TNFSF4: variants seen among roughly 807,000 people sequenced by gnomAD.
TNFSF4 encodes the protein TNF superfamily member 4.
Under a neutral mutation model 7.3 loss-of-function variants are expected in TNFSF4, and 4 were observed. The ratio of observed to expected loss-of-function variants is 0.55; its 90% confidence interval spans 0.27 to 1.25. TNFSF4 has a LOEUF of 1.25. Among genes scored for constraint, TNFSF4 ranks in the 50% most tolerant of loss-of-function variants. The pLI is 0.12. For synonymous variants in TNFSF4, 76 were observed against 83.7 expected (o/e 0.91, Z 0.50); for missense variants, 181 against 208.8 (o/e 0.87, Z 0.82).
chr1:173,304,032 C>T, the TNFSF4 span, among the ~76,000 whole-genome samples: 1 of 152,018 alleles, frequency 6.6e-6, no homozygotes, highest in South Asian at 2.1e-4. Flanking sequence ...TAACTGCCCA[C>T]ACAGTTTTCA....
upstream of TNFSF4, among the ~76,000 whole-genome samples, chr1:173,208,305 G>A (rs532763880): frequency 1.0e-3 from 156 of 152,274 alleles, 1 homozygote; most frequent in South Asian, 6.4e-3. Context: ...TGTTTAAGAC[G>A]GAATTGTCTC....
chr1:173,353,409 G>A, the TNFSF4 span, among the ~76,000 whole-genome samples: 5 of 152,162 alleles, frequency 3.3e-5, no homozygotes, highest in East Asian at 1.9e-4. Flanking sequence ...CCCTCCATTC[G>A]GGGTCTCTGA....
At chr1:173,268,697 G>A in the TNFSF4 span, among the ~76,000 whole-genome samples, 1 of 151,912 alleles carries the variant, frequency 6.6e-6, no homozygotes, top group Non-Finnish European at 1.5e-5. Context: ...GATTGGCAAA[G>A]TAGATTTTTA....
intron 1 of TNFSF4, 118 bp from the exon 2 acceptor site, chr1:173,188,687 A>G (rs973298934): frequency 7.1e-6 from 6 of 843,156 alleles, no homozygotes; most frequent in Non-Finnish European, 9.6e-6. Context: ...AAACAAAAAC[A>G]ACAGAAGACT....
intron 1 of TNFSF4, among the ~76,000 whole-genome samples, chr1:173,195,217 T>C (rs1451806298): frequency 1.3e-5 from 2 of 152,210 alleles, no homozygotes; most frequent in African/African-American, 4.8e-5. Flanking sequence ...TCATCATCAA[T>C]ACTGAATAAG....
At chr1:173,375,165 CA>C in the TNFSF4 span, among the ~76,000 whole-genome samples, 1 of 152,174 alleles carries the variant, frequency 6.6e-6, no homozygotes, top group African/African-American at 2.4e-5. Flanking sequence ...GCCTCCTTGT[CA>C]AATTTGTTTC....
At chr1:173,363,712 G>A in the TNFSF4 span, 38 of 231,234 alleles carry the variant, frequency 1.6e-4, no homozygotes, top group African/African-American at 8.9e-4. Context: ...TTTGAGAACT[G>A]AGAACCAGAA....
At chr1:173,258,887 G>A in the TNFSF4 span, among the ~76,000 whole-genome samples, 1 of 152,170 alleles carries the variant, frequency 6.6e-6, no homozygotes. Context: ...GGAAGGAGCA[G>A]CCATGGTCTC....
At chr1:173,400,691 A>G in the TNFSF4 span, among the ~76,000 whole-genome samples, 1 of 152,242 alleles carries the variant, frequency 6.6e-6, no homozygotes, top group Non-Finnish European at 1.5e-5. Context: ...ACAATGGAGT[A>G]AGGAAGAGTA....
the TNFSF4 span, among the ~76,000 whole-genome samples, chr1:173,429,881 T>G: frequency 6.6e-6 from 1 of 152,236 alleles, no homozygotes; most frequent in Admixed American, 6.5e-5. Flanking sequence ...GCTTCCTGCC[T>G]TACTAAGAAC....
At chr1:173,181,576 T>C (rs1335779459), downstream of TNFSF4, among the ~76,000 whole-genome samples, 1 of 152,128 alleles carries the variant, frequency 6.6e-6, no homozygotes. Flanking sequence ...GGCACCAGAT[T>C]TCTCAAGGGC....
chr1:173,364,315 C>T, the TNFSF4 span, among the ~76,000 whole-genome samples: 1 of 146,138 alleles, frequency 6.8e-6, no homozygotes. Flanking sequence ...ATTTCATCAT[C>T]TTGTTTTTAA....
chr1:173,393,941 A>C, the TNFSF4 span, among the ~76,000 whole-genome samples: 2 of 152,188 alleles, frequency 1.3e-5, no homozygotes, highest in African/African-American at 2.4e-5. Flanking sequence ...TTCCAATATT[A>C]TTTCCTGACA....
the TNFSF4 span, chr1:173,352,148 C>A: frequency 1.6e-5 from 4 of 244,690 alleles, no homozygotes; most frequent in East Asian, 3.9e-4. Flanking sequence ...ACCAGAAAGA[C>A]CTCAGACACT....
chr1:173,249,740 C>A, the TNFSF4 span, among the ~76,000 whole-genome samples: 1 of 152,196 alleles, frequency 6.6e-6, no homozygotes, highest in Non-Finnish European at 1.5e-5. Flanking sequence ...CACTCAGTAC[C>A]AACACTTAGT....
the TNFSF4 span, among the ~76,000 whole-genome samples, chr1:173,432,693 C>A: frequency 6.6e-6 from 1 of 151,428 alleles, no homozygotes; most frequent in Non-Finnish European, 1.5e-5. Flanking sequence ...TGACAAAATT[C>A]TTGAGGGATC....
the TNFSF4 span, among the ~76,000 whole-genome samples, chr1:173,230,999 T>C: frequency 6.6e-6 from 1 of 152,160 alleles, no homozygotes; most frequent in South Asian, 2.1e-4. Flanking sequence ...GATTCACAGC[T>C]GAATTCTACC....
the TNFSF4 span, among the ~76,000 whole-genome samples, chr1:173,285,631 A>C: frequency 1.3e-5 from 2 of 152,192 alleles, no homozygotes; most frequent in African/African-American, 4.8e-5. Context: ...CACCACCCTG[A>C]TCAGTCAGTA....
the TNFSF4 span, among the ~76,000 whole-genome samples, chr1:173,294,369 GCA>G: frequency 6.7e-6 from 1 of 150,136 alleles, no homozygotes; most frequent in South Asian, 2.1e-4. Flanking sequence ...ACCAAATACT[GCA>G]CATTCTCACT....
Sources: allele counts gnomAD v4.1 joint callset (sites outside exome capture counted in the v4.1 genomes callset), GRCh38; gene constraint gnomAD v4.1.1; transcripts MANE v1.5; gene names NCBI Gene and HGNC (gene_info 2026-07-23, HGNC 2026-07-21).